DENND1B: variants seen among roughly 807,000 people sequenced by gnomAD.
The protein encoded by DENND1B is DENN domain-containing protein 1B.
In DENND1B, 59 loss-of-function variants were observed where a neutral mutation model predicts 90.1. That is an observed-to-expected ratio of 0.65 (90% CI 0.53 to 0.81). The LOEUF (loss-of-function observed/expected upper bound fraction) is 0.81. DENND1B is among the 40% of genes least tolerant of loss of function. The pLI is 0.00. For missense variants in DENND1B, 862 were observed against 912.6 expected, an observed-to-expected ratio of 0.94 and a Z score of 0.71; for synonymous variants, 337 against 324.6, an observed-to-expected ratio of 1.04 and a Z score of -0.41.
intron 10 of DENND1B, among the ~76,000 whole-genome samples, chr1:197,640,705 T>C (rs1408395859): frequency 6.6e-6 from 1 of 152,152 alleles, no homozygotes; most frequent in African/African-American, 2.4e-5. Flanking sequence ...AAAACACCAA[T>C]ATTTTTCAAA....
At chr1:197,600,048 T>C (rs1676059655) in intron 13 of DENND1B, among the ~76,000 whole-genome samples, 1 of 151,780 alleles carries the variant, frequency 6.6e-6, no homozygotes, top group Non-Finnish European at 1.5e-5. Flanking sequence ...ATGTTATCTC[T>C]CCTCTCCCTC....
At position 197,755,994 on chromosome 1, in the gene DENND1B, A is replaced by G. The variant is rs1654230566; in HGVS notation, c.82+16874T>C. Among the ~76,000 whole-genome samples the G allele has an allele frequency of 1.3e-5, 2 of 152,200 alleles. 1 individual carries two copies. Among genetic ancestry groups the G allele is most frequent in the South Asian group, 4.1e-4 (2 of 4,832 alleles). On this transcript the variant is annotated intron_variant, in intron 2 of 22. Transcript: ENST00000620048. ...AGCCAACCCATATCAGTAGTTACAA[A>G]GTAGTCACATAGAGAATAAAAAATC...
At chr1:197,586,015 G>A (rs545268904) in intron 14 of DENND1B, among the ~76,000 whole-genome samples, 1 of 152,310 alleles carries the variant, frequency 6.6e-6, no homozygotes, top group Admixed American at 6.5e-5. Context: ...AATAGGACTA[G>A]TTTGTCAACT....
intron 2 of DENND1B, among the ~76,000 whole-genome samples, chr1:197,760,486 C>T (rs536278199): frequency 1.3e-5 from 2 of 151,746 alleles, no homozygotes; most frequent in Non-Finnish European, 2.9e-5. Context: ...CCCATCTCTA[C>T]AAAAATTAGC....
intron 20 of DENND1B, among the ~76,000 whole-genome samples, chr1:197,534,625 T>G (rs1669747019): frequency 6.6e-6 from 1 of 152,200 alleles, no homozygotes; most frequent in Non-Finnish European, 1.5e-5. Flanking sequence ...TTAACTACAT[T>G]TAACATTTTC....
At chr1:197,593,016 A>G (rs1178947790) in intron 14 of DENND1B, among the ~76,000 whole-genome samples, 8 of 152,054 alleles carry the variant, frequency 5.3e-5, no homozygotes, top group Non-Finnish European at 7.4e-5. Context: ...CAACCAAAAT[A>G]TATTTGATTG....
intron 2 of DENND1B, chr1:197,735,192 C>T (rs1365491381): frequency 9.8e-7 from 1 of 1,021,420 alleles, no homozygotes; most frequent in Non-Finnish European, 1.2e-6. Flanking sequence ...ATGGGTCCAA[C>T]ATGCCTACCA....
chr1:197,680,171 C>T (rs1656532443), intron 3 of DENND1B, among the ~76,000 whole-genome samples: 1 of 150,736 alleles, frequency 6.6e-6, no homozygotes, highest in Admixed American at 6.6e-5. Flanking sequence ...AGCTTTTAAG[C>T]AGAGATTTGA....
intron 20 of DENND1B, 106 bp downstream of exon 20, chr1:197,539,858 T>A: frequency 1.1e-6 from 1 of 938,880 alleles, no homozygotes; most frequent in South Asian, 1.5e-5. Context: ...ACTGCAGGTT[T>A]TCATATAAGA....
intron 14 of DENND1B, among the ~76,000 whole-genome samples, chr1:197,593,078 G>A (rs1675378510): frequency 6.6e-6 from 1 of 151,716 alleles, no homozygotes; most frequent in Admixed American, 6.6e-5. Flanking sequence ...AAAGAGAGAA[G>A]ACATTGGTCT....
chr1:197,615,592 C>G lies in DENND1B; in HGVS notation c.773+2067G>C, dbSNP rs192745843. Among the ~76,000 whole-genome samples, 5 of 150,892 alleles carry G rather than the reference C, an allele frequency of 3.3e-5. No homozygotes were observed. In the East Asian group the frequency reaches 9.8e-4, roughly 30 times the overall value. On this transcript the variant is annotated intron_variant, in intron 11 of 22. Transcript: ENST00000620048. The stretch of plus-strand genomic sequence containing the variant: ...TGAAGGGATGATCTGTAATTTTTTT[C>G]CCTTTTACATGTAGATCAGTATGAT...
chr1:197,665,182 T>C (rs1654822151), intron 5 of DENND1B, among the ~76,000 whole-genome samples: 1 of 152,118 alleles, frequency 6.6e-6, no homozygotes. Flanking sequence ...ATTTTTTTTC[T>C]GAAAGGTGAA....
rs994257264 is a variant in DENND1B at position 197,772,887 on chromosome 1, A to G, written c.63T>C (p.Cys21=). ...ACATACCTTCATTTTCAGAGGCATGACATTTCACTTTCAACACCAAGTCAA... is the reference window on the plus strand; with the variant it reads ...ACATACCTTCATTTTCAGAGGCATGGCATTTCACTTTCAACACCAAGTCAA... The part of the protein sequence containing the change: ...RTFDLVLKVK[C]HASENEDPVV... Residue 21 remains cysteine (C), a synonymous_variant, in exon 2 of 23, where the codon TGT becomes TGC. Transcript: ENST00000620048. The G allele has an allele frequency of 4.8e-5, 74 of 1,551,876 alleles. No homozygotes were observed. Among genetic ancestry groups the G allele is most frequent in the Non-Finnish European group, 4.4e-5 (50 of 1,147,018 alleles).
chr1:197,746,603 A>C (rs1394454142), intron 2 of DENND1B: 1 of 566,288 alleles, frequency 1.8e-6, no homozygotes, highest in Non-Finnish European at 3.2e-6. Context: ...AGAAAGATTG[A>C]AAAGAGCTGA....
intron 15 of DENND1B, among the ~76,000 whole-genome samples, chr1:197,571,430 T>C (rs1420827660): frequency 6.6e-6 from 1 of 152,228 alleles, no homozygotes; most frequent in Non-Finnish European, 1.5e-5. Context: ...CTTTCCCTCC[T>C]TTAGGTCTTT....
chr1:197,726,003 TAC>T lies in DENND1B; in HGVS notation c.83-10931_83-10930del, dbSNP rs35137997. 2.9e-3 allele frequency among the ~76,000 whole-genome samples: 442 copies of T among 151,470 alleles called. 4 individuals are homozygous for T. The highest frequency in any genetic ancestry group is 0.02 in the Admixed American group (298 of 15,170). On this transcript the variant is annotated intron_variant, in intron 2 of 22. Coordinates refer to ENST00000620048, the MANE Select transcript of DENND1B (RefSeq NM_001195215.2). Reference sequence around the variant, plus strand: ...TGACTCAGATATATATATATACATATACACACACACACACATATATATACACA... The same window carrying T: ...TGACTCAGATATATATATATACATATACACACACACACATATATATACACA...
intron 20 of DENND1B, among the ~76,000 whole-genome samples, chr1:197,527,277 T>C (rs1204624379): frequency 6.6e-6 from 1 of 151,922 alleles, no homozygotes; most frequent in Non-Finnish European, 1.5e-5. Context: ...ACTTAACTTA[T>C]TTCAAAAGAG....
Position 197,642,734 on chromosome 1 carries a change from T to A in DENND1B, c.649A>T (p.Ile217Phe), listed in dbSNP as rs764431576. 1 of 1,613,380 alleles carries A rather than the reference T, an allele frequency of 6.2e-7. No individual in the cohort carries two copies. Among genetic ancestry groups the A allele is most frequent in the Admixed American group, 1.7e-5 (1 of 59,962 alleles). ...ASMLHERRIV[I>F]ISSKLSTLTA... ...ACAGTGCTTAATTTGCTCGAGATAA[T>A]CACGATGCGCCTTTCATGCAGCATA... is the stretch of plus-strand genomic sequence containing the variant. Residue 217 changes from isoleucine to phenylalanine, a missense_variant, in exon 10 of 23, where the codon ATT (isoleucine) becomes TTT (phenylalanine). Ile to Phe is a conservative substitution (Grantham distance 21, BLOSUM62 0). Coordinates refer to ENST00000620048, the MANE Select transcript of DENND1B (RefSeq NM_001195215.2).
chr1:197,534,751 T>C (rs1231250166), intron 20 of DENND1B, among the ~76,000 whole-genome samples: 1 of 152,188 alleles, frequency 6.6e-6, no homozygotes, highest in East Asian at 1.9e-4. Context: ...TTAGTTTCTC[T>C]GACATACATG....
Sources: allele counts gnomAD v4.1 joint callset (sites outside exome capture counted in the v4.1 genomes callset), GRCh38; gene constraint gnomAD v4.1.1; transcripts MANE v1.5; gene names NCBI Gene and HGNC (gene_info 2026-07-23, HGNC 2026-07-21).